TMCC3: variants seen among roughly 807,000 people sequenced by gnomAD.
The protein encoded by TMCC3 is transmembrane and coiled-coil domain family 3.
In TMCC3, 28 loss-of-function variants were observed where a neutral mutation model predicts 40.2. The ratio of observed to expected loss-of-function variants is 0.70; its 90% CI spans 0.52 to 0.95. TMCC3 has a LOEUF of 0.95. Ranked by LOEUF, TMCC3 falls within the 40% of genes least tolerant of loss-of-function variation. The pLI is 0.00. For synonymous variants in TMCC3, 255 were observed against 248.5 expected, an observed-to-expected ratio of 1.03 and a Z score of -0.25; for missense variants, 554 against 615.2, an observed-to-expected ratio of 0.90 and a Z score of 1.05.
intron 1 of TMCC3, among the ~76,000 whole-genome samples, chr12:94,592,365 C>T (rs906888144): frequency 1.3e-5 from 2 of 151,804 alleles, no homozygotes; most frequent in African/African-American, 2.4e-5. Flanking sequence ...TCCGGCCGGG[C>T]GCAGTGGCTC....
intron 1 of TMCC3, among the ~76,000 whole-genome samples, chr12:94,583,934 C>A (rs937356240): frequency 2.0e-5 from 3 of 152,140 alleles, no homozygotes; most frequent in African/African-American, 7.2e-5. Context: ...TGTCAATATC[C>A]CTTTGATTAG....
chr12:94,587,524 T>C (rs2068645315), intron 1 of TMCC3, among the ~76,000 whole-genome samples: 2 of 152,212 alleles, frequency 1.3e-5, no homozygotes, highest in African/African-American at 4.8e-5. Context: ...TTAGCCTCTC[T>C]GTGTCTCAGT....
At chr12:94,607,263 T>A (rs1421207748) in intron 1 of TMCC3, among the ~76,000 whole-genome samples, 2 of 149,664 alleles carry the variant, frequency 1.3e-5, no homozygotes, top group African/African-American at 2.5e-5. Flanking sequence ...TTTGTCAAGG[T>A]GCACTGATTT....
At chr12:94,586,562 A>G (rs1019295041) in intron 1 of TMCC3, among the ~76,000 whole-genome samples, 1 of 152,258 alleles carries the variant, frequency 6.6e-6, no homozygotes, top group African/African-American at 2.4e-5. Context: ...TCTGGCTGGC[A>G]TTCTCTATTG....
At chr12:94,594,457 T>G (rs2068703238) in intron 1 of TMCC3, among the ~76,000 whole-genome samples, 2 of 152,090 alleles carry the variant, frequency 1.3e-5, no homozygotes, top group African/African-American at 4.8e-5. Flanking sequence ...AGTTCCTAAC[T>G]CAGAAGGAGA....
In TMCC3 at chr12:94,569,234, G is replaced by GC. The variant is rs995248291; in HGVS notation, c.*2200dup. The GC allele has an allele frequency of 6.6e-6, 1 of 152,278 alleles. No individual in the cohort carries two copies. The highest frequency in any genetic ancestry group is 1.5e-5 in the Non-Finnish European group (1 of 68,092). 9.4% of individuals were successfully genotyped at this position (152,278 alleles called of 1,614,324 possible). A position where few individuals can be genotyped will look rare whatever the true frequency, so the allele number is the denominator to read the frequency against. On this transcript the variant is annotated 3_prime_UTR_variant, in exon 4 of 4. Transcript: ENST00000261226. ...CAGATACCAAGAGGGGCCCACCCAG[G>GC]CCCCAGCTTGATTTAGGAGTGTAAG... is the stretch of plus-strand genomic sequence containing the variant.
intron 1 of TMCC3, among the ~76,000 whole-genome samples, chr12:94,630,260 A>C (rs1269602391): frequency 7.4e-5 from 11 of 148,180 alleles, no homozygotes; most frequent in African/African-American, 7.3e-5. Flanking sequence ...CTGTCCCAAA[A>C]AAAAAAAAAA....
At chr12:94,634,427 A>AG (rs1299377911) in intron 1 of TMCC3, among the ~76,000 whole-genome samples, 2 of 152,180 alleles carry the variant, frequency 1.3e-5, no homozygotes, top group East Asian at 3.8e-4. Context: ...TAAAAAAAAA[A>AG]AGTCTGTTGG....
At chr12:94,622,564 G>A (rs374309473) in intron 1 of TMCC3, among the ~76,000 whole-genome samples, 2 of 152,102 alleles carry the variant, frequency 1.3e-5, no homozygotes, top group African/African-American at 4.8e-5. Flanking sequence ...AACCCAGTGC[G>A]ATTCAAATCT....
intron 1 of TMCC3, chr12:94,616,405 A>C (rs1402580573): frequency 6.6e-6 from 1 of 152,514 alleles, no homozygotes; most frequent in African/African-American, 2.4e-5. Flanking sequence ...CACCAATGTG[A>C]TGAAGGCAGA....
At chr12:94,600,899 G>A (rs146586233) in intron 1 of TMCC3, among the ~76,000 whole-genome samples, 451 of 152,228 alleles carry the variant, frequency 3.0e-3, no homozygotes, top group Non-Finnish European at 5.0e-3. Flanking sequence ...AGCACAGAAC[G>A]CGCAGTATCA....
At chr12:94,631,893 T>C (rs71458554) in intron 1 of TMCC3, among the ~76,000 whole-genome samples, 2,371 of 152,344 alleles carry the variant, frequency 0.016, 25 homozygotes, top group Middle Eastern at 0.054. Context: ...GAAAAACAGA[T>C]GAGGTGTGGG....
intron 1 of TMCC3, among the ~76,000 whole-genome samples, chr12:94,627,993 T>C (rs950575092): frequency 2.0e-5 from 3 of 152,226 alleles, no homozygotes; most frequent in African/African-American, 4.8e-5. Flanking sequence ...GAAAGCCCAA[T>C]CATTTTAAGT....
intron 1 of TMCC3, among the ~76,000 whole-genome samples, chr12:94,617,779 G>A (rs891878455): frequency 1.3e-5 from 2 of 152,234 alleles, no homozygotes; most frequent in South Asian, 2.1e-4. Context: ...TGTTGGGGGT[G>A]GGATGGAGAG....
chr12:94,573,019 T>C (rs985985472), intron 3 of TMCC3, among the ~76,000 whole-genome samples: 3 of 152,204 alleles, frequency 2.0e-5, no homozygotes, highest in Non-Finnish European at 2.9e-5. Flanking sequence ...CAGATCTCCA[T>C]GCCTCTTTGA....
chr12:94,636,131 T>C (rs1262211241), intron 1 of TMCC3, among the ~76,000 whole-genome samples: 1 of 152,198 alleles, frequency 6.6e-6, no homozygotes, highest in Non-Finnish European at 1.5e-5. Flanking sequence ...TTGATACATA[T>C]GAACAGCGGT....
chr12:94,609,011 G>A lies in TMCC3; in HGVS notation c.79-26473C>T, dbSNP rs1037246488. On this transcript the variant is annotated intron_variant, in intron 1 of 3. Transcript: ENST00000261226. ...CACTCTGGCTTGAGCCCAGGAGTTC[G>A]AGACCAGCCTGGACAACTAAGCAAG... Among the ~76,000 whole-genome samples the A allele has an allele frequency of 5.3e-5, 8 of 152,200 alleles. No homozygotes were observed. In the South Asian group the frequency reaches 8.3e-4, roughly 16 times the overall value.
At chr12:94,646,755 A>T (rs963681083) in intron 1 of TMCC3, among the ~76,000 whole-genome samples, 24 of 40,578 alleles carry the variant, frequency 5.9e-4, no homozygotes, top group Middle Eastern at 0.012. Context: ...TTTTTTTTTA[A>T]AAAACAAATA....
rs1196058204 is a variant in TMCC3 at position 94,650,392 on chromosome 12, G to A, written c.39C>T (p.Thr13=). ...GGTGGTGCCGGCCGGGGTACGAGTA[G>A]GTCCGGTCCACGGTGAGCGCCGTGT... ...GSDTALTVDR[T]YSYPGRHHRC... Residue 13 remains threonine (T), a synonymous_variant, in exon 1 of 4, where the codon ACC becomes ACT. Transcript: ENST00000261226. The A allele has an allele frequency of 1.5e-6, 2 of 1,341,864 alleles. No individual in the cohort carries two copies. The highest frequency in any genetic ancestry group is 1.9e-6 in the Non-Finnish European group (2 of 1,039,098). 83.1% of individuals were successfully genotyped at this position (1,341,864 alleles called of 1,614,324 possible).
Sources: allele counts gnomAD v4.1 joint callset (sites outside exome capture counted in the v4.1 genomes callset), GRCh38; gene constraint gnomAD v4.1.1; transcripts MANE v1.5; gene names NCBI Gene and HGNC (gene_info 2026-07-23, HGNC 2026-07-21).